Variants in HYDIN observed in about 807,000 individuals in gnomAD.
HYDIN encodes axonemal central pair apparatus protein HYDIN.
HYDIN carries 132 observed loss-of-function variants against 403.9 expected under a neutral mutation model. The ratio of observed to expected loss-of-function variants is 0.33; its 90% CI spans 0.28 to 0.38. The LOEUF (loss-of-function observed/expected upper bound fraction) is 0.38, where lower values mean the gene tolerates loss of function less well. Ranked by LOEUF, HYDIN falls within the 10% of genes least tolerant of loss-of-function variation. The pLI, the probability that HYDIN is intolerant of heterozygous loss-of-function variation, is 1.00. For missense variants in HYDIN, 2,827 were observed against 5,009.5 expected (o/e 0.56, Z 13.15); for synonymous variants, 1,202 against 1,891.7 (o/e 0.64, Z 9.46).
At chr16:70,892,718 T>A (rs925310217) in intron 55 of HYDIN, among the ~76,000 whole-genome samples, 189 bp from the exon 56 acceptor site, 2 of 151,942 alleles carry the variant, frequency 1.3e-5, no homozygotes, top group African/African-American at 4.8e-5. Flanking sequence ...AGGCTAGGAA[T>A]TGATGCTTAC....
At chr16:70,884,765 G>A (rs1489557480) in intron 58 of HYDIN, among the ~76,000 whole-genome samples, 2 of 152,016 alleles carry the variant, frequency 1.3e-5, no homozygotes, top group African/African-American at 2.4e-5. Context: ...TAGATGTCCC[G>A]GCTCTTCTCT....
At chr16:71,215,792 A>AC (rs397761560) in intron 1 of HYDIN, among the ~76,000 whole-genome samples, 45 of 151,928 alleles carry the variant, frequency 3.0e-4, no homozygotes, top group African/African-American at 1.0e-3. Context: ...AAAAAAAAAA[A>AC]CAGACAATCC....
intron 45 of HYDIN, among the ~76,000 whole-genome samples, chr16:70,926,393 T>C (rs2077154346): frequency 6.6e-6 from 1 of 151,138 alleles, no homozygotes; most frequent in South Asian, 2.1e-4. Context: ...TTCTCACTCA[T>C]AGGTGGGAAC....
Position 71,064,853 on chromosome 16 carries a change from G to A in HYDIN, c.2076-13C>T, listed in dbSNP as rs2082205214. The A allele has an allele frequency of 6.2e-7, 1 of 1,606,764 alleles. No homozygotes were observed. Among genetic ancestry groups the A allele is most frequent in the East Asian group, 2.2e-5 (1 of 44,746 alleles). ...AGGTACAACACACCTGCTCGGAGGA[G>A]CCCATCACACAATTCAAAACAGAGA... On this transcript the variant is annotated splice_polypyrimidine_tract_variant and intron_variant, in intron 15 of 85. Transcript: ENST00000393567.
intron 19 of HYDIN, among the ~76,000 whole-genome samples, chr16:71,029,089 G>C (rs61548709): frequency 0.024 from 3,619 of 152,130 alleles, 58 homozygotes; most frequent in Non-Finnish European, 0.035. Flanking sequence ...AATTAGAAGC[G>C]GCAGCGTATG....
intron 45 of HYDIN, among the ~76,000 whole-genome samples, chr16:70,922,993 C>A (rs1190465470): frequency 5.3e-5 from 8 of 151,922 alleles, no homozygotes; most frequent in Non-Finnish European, 1.2e-4. Flanking sequence ...GTCTTGAACC[C>A]CTGAGTTCAA....
chr16:70,810,071 A>G, intron 84 of HYDIN, 64 bp from the exon 85 acceptor site: 2 of 1,468,542 alleles, frequency 1.4e-6, no homozygotes, highest in Non-Finnish European at 9.5e-7. Flanking sequence ...CCACCTAGAG[A>G]CCTGCCCAAG....
At chr16:71,067,115 G>A (rs1472048380) in intron 15 of HYDIN, 175 bp downstream of exon 15, 6 of 597,420 alleles carry the variant, frequency 1.0e-5, no homozygotes, top group Admixed American at 9.0e-5. Flanking sequence ...TCCACCAAAG[G>A]TGCTTTAGAA....
At chr16:71,178,786 C>T (rs1357698943) in intron 4 of HYDIN, 142 bp downstream of exon 4, 1 of 732,696 alleles carries the variant, frequency 1.4e-6, no homozygotes, top group Admixed American at 2.7e-5. Flanking sequence ...ATTAAGTTTA[C>T]AATCAAAGAA....
chr16:71,186,674 G>T, intron 2 of HYDIN, 87 bp downstream of exon 2: 1 of 1,022,114 alleles, frequency 9.8e-7, no homozygotes, highest in Non-Finnish European at 1.5e-6. Flanking sequence ...AATTCTGTTT[G>T]GCATTCTGAG....
intron 41 of HYDIN, among the ~76,000 whole-genome samples, chr16:70,951,494 A>G (rs2078073890): frequency 6.6e-6 from 1 of 151,844 alleles, no homozygotes; most frequent in East Asian, 1.9e-4. Context: ...TCCTACATGC[A>G]TTACAGCACC....
chr16:71,197,966 C>T (rs748733511), intron 1 of HYDIN, among the ~76,000 whole-genome samples: 5 of 152,158 alleles, frequency 3.3e-5, no homozygotes, highest in Non-Finnish European at 7.4e-5. Context: ...CAGCTGGTCT[C>T]AAACTCCTGA....
At chr16:71,175,833 G>A in intron 4 of HYDIN, 92 bp from the exon 5 acceptor site, 1 of 1,317,226 alleles carries the variant, frequency 7.6e-7, no homozygotes, top group African/African-American at 1.4e-5. Context: ...CTAGACGTGT[G>A]ACCTTGGTCA....
intron 12 of HYDIN, among the ~76,000 whole-genome samples, chr16:71,086,753 T>C (rs2082941155): frequency 6.6e-6 from 1 of 152,224 alleles, no homozygotes; most frequent in South Asian, 2.1e-4. Context: ...TGCTGGATCT[T>C]ATCAAAGGCC....
intron 28 of HYDIN, among the ~76,000 whole-genome samples, chr16:70,982,053 G>A (rs1197861577): frequency 1.3e-5 from 2 of 150,178 alleles, no homozygotes; most frequent in Non-Finnish European, 3.0e-5. Flanking sequence ...GCGTGAACCC[G>A]GGAGGCAGAG....
chr16:71,134,462 G>T (rs544298334), intron 8 of HYDIN, among the ~76,000 whole-genome samples: 127 of 152,152 alleles, frequency 8.3e-4, no homozygotes, highest in African/African-American at 3.0e-3. Flanking sequence ...AGCTCTGCAG[G>T]CCTTGCTGGG....
intron 24 of HYDIN, 25 bp from the exon 25 acceptor site, chr16:70,991,421 G>A (rs763894569): frequency 6.2e-7 from 1 of 1,610,264 alleles, no homozygotes; most frequent in African/African-American, 1.3e-5. Context: ...GAAATGCAGA[G>A]ATTCACTCAT....
chr16:71,017,350 CAA>C (rs57153160), intron 23 of HYDIN, among the ~76,000 whole-genome samples: 62,942 of 108,816 alleles, frequency 0.58, 16,561 homozygotes, highest in East Asian at 0.81. Context: ...AACTCTGTCT[CAA>C]AAAAAAAAAA....
chr16:71,065,083 C>T (rs2082216673), intron 15 of HYDIN, among the ~76,000 whole-genome samples: 1 of 152,248 alleles, frequency 6.6e-6, no homozygotes, highest in African/African-American at 2.4e-5. Context: ...TGGGTAATGA[C>T]TCACATTTCC....
Sources: allele counts gnomAD v4.1 joint callset (sites outside exome capture counted in the v4.1 genomes callset), GRCh38; gene constraint gnomAD v4.1.1; transcripts MANE v1.5; gene names NCBI Gene and HGNC (gene_info 2026-07-23, HGNC 2026-07-21).